The following CNTN6 variants were observed in gnomAD, a reference collection of about 807,000 sequenced individuals.
The protein encoded by CNTN6 is contactin-6.
A neutral mutation model predicts 122.8 loss-of-function variants in CNTN6; 137 were observed. That is an observed-to-expected ratio of 1.12 (90% confidence interval 0.97 to 1.29). The LOEUF is 1.29. Among genes scored for constraint, CNTN6 ranks in the 50% most tolerant of loss-of-function variants. CNTN6 has a pLI of 0.00. For missense variants in CNTN6, 1,634 were observed against 1,223.4 expected, an observed-to-expected ratio of 1.34 and a Z score of -5.01; for synonymous variants, 570 against 426.0, an observed-to-expected ratio of 1.34 and a Z score of -4.16.
At position 1,093,034 on chromosome 3, in the gene CNTN6, G is replaced by T. The variant is rs559035993; in HGVS notation, c.-169G>T. 2 of 343,678 alleles carry T rather than the reference G, an allele frequency of 5.8e-6. No individual in the cohort carries two copies. Among genetic ancestry groups the T allele is most frequent in the Non-Finnish European group, 5.8e-6 (1 of 173,582 alleles). The allele number at this position is 343,678 out of a possible 1,614,324, so 21.3% of individuals were successfully genotyped here. ...CTGCATAGACATTCCATACGGCTTG[G>T]TTCTGCCTGGACGCACAGCATGCCT... is the stretch of plus-strand genomic sequence containing the variant. On this transcript the variant is annotated 5_prime_UTR_variant, in exon 1 of 23. Transcript: ENST00000446702.
At chr3:1,167,568 C>T (rs1239647122) in intron 2 of CNTN6, among the ~76,000 whole-genome samples, 4 of 148,248 alleles carry the variant, frequency 2.7e-5, no homozygotes, top group African/African-American at 1.0e-4. Context: ...TGCACTTTTA[C>T]ACTCTTTTAA....
At chr3:1,142,381 A>G (rs1277260165) in intron 1 of CNTN6, among the ~76,000 whole-genome samples, 3 of 152,128 alleles carry the variant, frequency 2.0e-5, no homozygotes, top group Admixed American at 1.3e-4. Context: ...CATGGTGAGA[A>G]GAGGTCGTAT....
chr3:1,104,504 T>C (rs569329245), intron 1 of CNTN6, among the ~76,000 whole-genome samples: 10 of 152,268 alleles, frequency 6.6e-5, no homozygotes, highest in African/African-American at 2.4e-4. Context: ...GTGGATTTAC[T>C]AAGAAGGTAA....
rs4065396 is a variant in CNTN6, at chr3:1,304,987, CAAAA to C, written c.761+7010_761+7013del. On this transcript the variant is annotated intron_variant, in intron 7 of 22. Coordinates refer to ENST00000446702, the MANE Select transcript of CNTN6 (RefSeq NM_001289080.2). ...GCCTAAAGACAGAATGAGACTCTGT[CAAAA>C]AAAAAAAAAAAAACAAAATTCAAAA... 2.3e-4 allele frequency among the ~76,000 whole-genome samples: 24 copies of C among 103,284 alleles called. 1 individual carries two copies. The East Asian group carries it at 5.4e-3, about 23-fold the overall frequency. The allele number at this position is 103,284 out of a possible 152,430, so 67.8% of individuals were successfully genotyped here.
chr3:1,244,573 GGATT>G lies in CNTN6; in HGVS notation c.358+16584_358+16587del, dbSNP rs1268754975. Among the ~76,000 whole-genome samples the G allele has an allele frequency of 3.3e-5, 5 of 152,170 alleles. No individual in the cohort carries two copies. The East Asian group carries it at 9.7e-4, about 29-fold the overall frequency. On this transcript the variant is annotated intron_variant, in intron 4 of 22. Transcript: ENST00000446702. ...TAGGAACAAAGAGCAGGAGGACGGG[GGATT>G]GATCTCCCAAGGGATGTCCCCCGAT...
intron 4 of CNTN6, among the ~76,000 whole-genome samples, chr3:1,266,305 T>A (rs1454330585): frequency 6.6e-6 from 1 of 152,146 alleles, no homozygotes; most frequent in East Asian, 1.9e-4. Context: ...CGATTGCAGC[T>A]GTGATTCCAA....
chr3:1,338,909 C>CAGTGACACTTCTGGCATTAG (rs1275764263), intron 11 of CNTN6, among the ~76,000 whole-genome samples: 6 of 151,866 alleles, frequency 4.0e-5, no homozygotes, highest in African/African-American at 1.5e-4. Flanking sequence ...CTTCTAATGC[C>CAGTGACACTTCTGGCATTAG]AGTGAGTGTA....
chr3:1,276,542 C>A (rs1692399213), intron 4 of CNTN6, among the ~76,000 whole-genome samples: 1 of 152,148 alleles, frequency 6.6e-6, no homozygotes, highest in African/African-American at 2.4e-5. Flanking sequence ...GCTCTGAAAC[C>A]TTGCCCATTA....
chr3:1,112,875 A>G (rs1504076), intron 1 of CNTN6, among the ~76,000 whole-genome samples: 135,239 of 152,120 alleles, frequency 0.89, 60,360 homozygotes, highest in East Asian at 0.99. Flanking sequence ...AGTGAGAGGA[A>G]GTTGTATTGG....
At chr3:1,379,063 A>C (rs148822585) in intron 17 of CNTN6, among the ~76,000 whole-genome samples, 1,814 of 152,248 alleles carry the variant, frequency 0.012, 43 homozygotes, top group African/African-American at 0.041. Context: ...TTAATAACTT[A>C]TTTTGTTCTC....
chr3:1,382,105 T>G (rs559079712), intron 17 of CNTN6, among the ~76,000 whole-genome samples: 1 of 145,302 alleles, frequency 6.9e-6, no homozygotes, highest in Non-Finnish European at 1.5e-5. Context: ...GAATATTTAT[T>G]AAAAAAAAAA....
intron 2 of CNTN6, among the ~76,000 whole-genome samples, chr3:1,177,346 G>A (rs990848137): frequency 2.6e-5 from 4 of 152,178 alleles, no homozygotes; most frequent in African/African-American, 9.6e-5. Context: ...ATTATTGAAA[G>A]AGAATAGTCT....
In CNTN6 at chr3:1,311,493, A is replaced by G. The variant is rs551085268; in HGVS notation, c.762-10157A>G. ...ACATATAAAATGTCTTTATATGTAC[A>G]TATATGTACATATAAAATGTCTTTA... On this transcript the variant is annotated intron_variant, in intron 7 of 22. Transcript: ENST00000446702. 9.2e-5 allele frequency among the ~76,000 whole-genome samples: 12 copies of G among 130,114 alleles called. 1 individual carries two copies. The highest frequency in any genetic ancestry group is 7.8e-5 in the Admixed American group (1 of 12,790). The allele number at this position is 130,114 out of a possible 152,430, so 85.4% of individuals were successfully genotyped here.
intron 20 of CNTN6, among the ~76,000 whole-genome samples, chr3:1,390,056 G>A (rs1289514024): frequency 6.6e-6 from 1 of 151,828 alleles, no homozygotes; most frequent in Non-Finnish European, 1.5e-5. Flanking sequence ...TGCACCAAGT[G>A]GACCTAATAG....
intron 1 of CNTN6, among the ~76,000 whole-genome samples, chr3:1,140,337 C>A (rs374782820): frequency 1.2e-4 from 18 of 152,188 alleles, no homozygotes; most frequent in African/African-American, 4.1e-4. Flanking sequence ...TGTGCAGTGC[C>A]CCAGATCAAG....
chr3:1,159,213 C>G (rs1025281722), intron 2 of CNTN6, among the ~76,000 whole-genome samples: 1 of 151,892 alleles, frequency 6.6e-6, no homozygotes, highest in Non-Finnish European at 1.5e-5. Flanking sequence ...TGTGCCAATC[C>G]TCCCAGTGGA....
At chr3:1,099,375 C>CG (rs1258931274) in intron 1 of CNTN6, among the ~76,000 whole-genome samples, 1 of 151,928 alleles carries the variant, frequency 6.6e-6, no homozygotes, top group African/African-American at 2.4e-5. Context: ...GGCGGGAACC[C>CG]GGGGGGCGGA....
chr3:1,327,643 T>C, intron 10 of CNTN6, 57 bp downstream of exon 10: 1 of 1,570,106 alleles, frequency 6.4e-7, no homozygotes, highest in Non-Finnish European at 8.7e-7. Flanking sequence ...AAGCTATAAT[T>C]ATGCATAATC....
intron 1 of CNTN6, among the ~76,000 whole-genome samples, chr3:1,111,231 G>A (rs954155482): frequency 6.6e-6 from 1 of 152,100 alleles, no homozygotes; most frequent in African/African-American, 2.4e-5. Flanking sequence ...GCCATATAGT[G>A]AACCCCAGTG....
Sources: allele counts gnomAD v4.1 joint callset (sites outside exome capture counted in the v4.1 genomes callset), GRCh38; gene constraint gnomAD v4.1.1; transcripts MANE v1.5; gene names NCBI Gene and HGNC (gene_info 2026-07-23, HGNC 2026-07-21).